The following ST13 variants were observed in gnomAD, a reference collection of about 807,000 sequenced individuals.
ST13 encodes the protein hsc70-interacting protein.
ST13 carries 23 observed loss-of-function variants against 56.7 expected under a neutral mutation model. The ratio of observed to expected loss-of-function variants is 0.41; its 90% CI spans 0.29 to 0.57. ST13 has a LOEUF of 0.57. Among genes scored for constraint, ST13 ranks in the 20% least tolerant of loss-of-function variants. The pLI is 0.36. For missense variants in ST13, 369 were observed against 459.9 expected (o/e 0.80, Z 1.81); for synonymous variants, 132 against 142.4 (o/e 0.93, Z 0.52).
chr22:40,835,473 CTTTTGTG>C (rs965215488), intron 7 of ST13, 80 bp downstream of exon 7: 12 of 1,174,606 alleles, frequency 1.0e-5, no homozygotes, highest in Non-Finnish European at 1.5e-5. Context: ...TCATTAGGAA[CTTTTGTG>C]TTTTTGTTTA....
chr22:40,835,470 G>C, intron 7 of ST13, 90 bp downstream of exon 7: 3 of 1,114,572 alleles, frequency 2.7e-6, no homozygotes, highest in Non-Finnish European at 2.7e-6. Context: ...AAGTCATTAG[G>C]AACTTTTGTG....
rs144955761 is a variant in ST13 at position 40,829,705 on chromosome 22, TAGA to T, written c.799-34_799-32del. The T allele has an allele frequency of 2.5e-3, 3,260 of 1,327,396 alleles. 63 individuals are homozygous for T. In the African/African-American group the frequency reaches 0.041, roughly 17 times the overall value. 82.2% of individuals were successfully genotyped at this position (1,327,396 alleles called of 1,614,324 possible). On this transcript the variant is annotated intron_variant, in intron 9 of 11. Transcript: ENST00000216218. ...ATACAAAAGGAAATAAATTATATAA[TAGA>T]AGAAGAAATAAGTGCTGTCCATGCA...
chr22:40,829,543 C>A, intron 10 of ST13, 83 bp downstream of exon 10: 1 of 631,426 alleles, frequency 1.6e-6, no homozygotes, highest in Non-Finnish European at 2.4e-6. Flanking sequence ...ATCAGAATAT[C>A]ACTTTATAAT....
At chr22:40,827,321 G>T in intron 10 of ST13, 92 bp from the exon 11 acceptor site, 2 of 1,343,736 alleles carry the variant, frequency 1.5e-6, no homozygotes, top group Non-Finnish European at 2.1e-6. Flanking sequence ...AAGAATATGG[G>T]TGCCACTAAG....
chr22:40,840,546 TCTC>T, intron 5 of ST13, 77 bp downstream of exon 5: 2 of 1,275,882 alleles, frequency 1.6e-6, no homozygotes, highest in Non-Finnish European at 2.3e-6. Context: ...ACATGTAACT[TCTC>T]TTCTACTTTA....
chr22:40,846,469 A>T (rs1336880837), intron 3 of ST13, among the ~76,000 whole-genome samples: 2 of 152,170 alleles, frequency 1.3e-5, no homozygotes, highest in African/African-American at 4.8e-5. Context: ...TTAACACGGT[A>T]AAAAAATTTT....
chr22:40,840,199 C>G (rs889929319), intron 5 of ST13, among the ~76,000 whole-genome samples: 11 of 152,048 alleles, frequency 7.2e-5, no homozygotes, highest in Non-Finnish European at 1.5e-4. Flanking sequence ...AATACTATCA[C>G]CACTTTCTCA....
chr22:40,825,575 TATTAA>T lies in ST13; in HGVS notation c.*958_*962del, dbSNP rs2057723806. The T allele has an allele frequency of 6.6e-6, 1 of 152,086 alleles. No individual in the cohort carries two copies. Among genetic ancestry groups the T allele is most frequent in the South Asian group, 2.1e-4 (1 of 4,816 alleles). 9.4% of individuals were successfully genotyped at this position (152,086 alleles called of 1,614,324 possible). Reference sequence around the variant, plus strand: ...CCCTACAATTACCATATGTATTACATATTAAATTAAACTCAGCATTAAATATGCTT... The same window carrying T: ...CCCTACAATTACCATATGTATTACATATTAAACTCAGCATTAAATATGCTT... On this transcript the variant is annotated 3_prime_UTR_variant, in exon 12 of 12. Transcript: ENST00000216218.
chr22:40,840,357 C>G (rs930986722), intron 5 of ST13, among the ~76,000 whole-genome samples: 3 of 147,172 alleles, frequency 2.0e-5, no homozygotes, highest in African/African-American at 7.5e-5. Flanking sequence ...TTTTTTAAAG[C>G]CTTTCACCTC....
At position 40,840,712 on chromosome 22, in the gene ST13, C is replaced by A; in HGVS notation, c.316-20G>T. On this transcript the variant is annotated intron_variant, in intron 4 of 11. Transcript: ENST00000216218. ...CGTTATCTAGGAAGAAAATAAAAAT[C>A]ATCTTAGAATTAGTAGAGAGAGAGA... 1.2e-6 allele frequency: 2 copies of A among 1,600,234 alleles called. No individual in the cohort carries two copies. Among genetic ancestry groups the A allele is most frequent in the Non-Finnish European group, 1.7e-6 (2 of 1,172,692 alleles).
At chr22:40,838,253 C>A (rs1012386680) in intron 5 of ST13, among the ~76,000 whole-genome samples, 1 of 152,184 alleles carries the variant, frequency 6.6e-6, no homozygotes, top group Admixed American at 6.5e-5. Context: ...ACTGCCTTCA[C>A]CAACCTTGGT....
intron 1 of ST13, chr22:40,854,605 CAT>C (rs2057879190): frequency 6.6e-6 from 1 of 152,308 alleles, no homozygotes; most frequent in East Asian, 1.9e-4. Flanking sequence ...TGTTCTTACA[CAT>C]GCTTTTAATT....
intron 8 of ST13, among the ~76,000 whole-genome samples, chr22:40,831,355 G>C (rs539040893): frequency 6.6e-6 from 1 of 152,170 alleles, no homozygotes; most frequent in Non-Finnish European, 1.5e-5. Context: ...CAGAGACTGG[G>C]AACTCATACC....
At chr22:40,841,546 G>C (rs1039903669) in intron 4 of ST13, among the ~76,000 whole-genome samples, 1 of 151,270 alleles carries the variant, frequency 6.6e-6, no homozygotes, top group African/African-American at 2.4e-5. Context: ...GACCAACCTG[G>C]GCAATATGGC....
intron 7 of ST13, among the ~76,000 whole-genome samples, chr22:40,834,306 CA>C (rs1250337388): frequency 6.6e-6 from 1 of 152,064 alleles, no homozygotes; most frequent in Non-Finnish European, 1.5e-5. Flanking sequence ...CAAAGCAAAA[CA>C]AAAACTTCCC....
chr22:40,854,263 C>T (rs2057876892), intron 1 of ST13, among the ~76,000 whole-genome samples: 1 of 152,146 alleles, frequency 6.6e-6, no homozygotes, highest in Non-Finnish European at 1.5e-5. Context: ...GAGAAACTGA[C>T]ACAAACGCAA....
intron 1 of ST13, among the ~76,000 whole-genome samples, chr22:40,852,293 C>A (rs1334204337): frequency 6.6e-6 from 1 of 152,214 alleles, no homozygotes; most frequent in Non-Finnish European, 1.5e-5. Context: ...CATCTCATTG[C>A]AGTTGAGTCC....
chr22:40,835,336 T>G, intron 7 of ST13: 1 of 372,298 alleles, frequency 2.7e-6, no homozygotes, highest in Non-Finnish European at 4.9e-6. Context: ...AAATACTTTT[T>G]ATTTCTTCCT....
chr22:40,841,519 T>C (rs1260572919), intron 4 of ST13, among the ~76,000 whole-genome samples: 2 of 152,158 alleles, frequency 1.3e-5, no homozygotes, highest in Non-Finnish European at 2.9e-5. Flanking sequence ...GTAGATCCCT[T>C]GAGCCCAGGA....
Sources: allele counts gnomAD v4.1 joint callset (sites outside exome capture counted in the v4.1 genomes callset), GRCh38; gene constraint gnomAD v4.1.1; transcripts MANE v1.5; gene names NCBI Gene and HGNC (gene_info 2026-07-23, HGNC 2026-07-21).